Variants in ANKS1B observed in about 807,000 individuals in gnomAD.
The protein encoded by ANKS1B is ankyrin repeat and sterile alpha motif domain-containing protein 1B.
A neutral mutation model predicts 148.3 loss-of-function variants in ANKS1B; 36 were observed. That is an observed-to-expected ratio of 0.24 (90% CI 0.19 to 0.32). ANKS1B has a LOEUF of 0.32. Among genes scored for constraint, ANKS1B ranks in the 10% least tolerant of loss-of-function variants. The pLI, the probability that ANKS1B is intolerant of heterozygous loss-of-function variation, is 1.00. For missense variants in ANKS1B, 1,157 were observed against 1,542.6 expected (o/e 0.75, Z 4.19); for synonymous variants, 542 against 560.8 (o/e 0.97, Z 0.47).
chr12:98,950,513 A>G lies in ANKS1B; in HGVS notation c.2778+102644T>C, dbSNP rs546316211. Among the ~76,000 whole-genome samples, 22 of 152,286 alleles carry G rather than the reference A, an allele frequency of 1.4e-4. No homozygotes were observed. The East Asian group carries it at 4.2e-3, about 29-fold the overall frequency. ...CTCTGTCTCAAAGAAAAGAAAGAAG[A>G]AAAGAAACAGCAGAGTGTCCCATCT... On this transcript the variant is annotated intron_variant, in intron 17 of 26. Transcript: ENST00000683438.
intron 11 of ANKS1B, among the ~76,000 whole-genome samples, chr12:99,427,296 GT>G (rs1451159357): frequency 6.6e-6 from 1 of 152,118 alleles, no homozygotes; most frequent in East Asian, 1.9e-4. Flanking sequence ...GTCTTCTCTG[GT>G]TTCATCTCAC....
chr12:99,788,913 T>C (rs1178082474), intron 4 of ANKS1B, among the ~76,000 whole-genome samples: 1 of 152,130 alleles, frequency 6.6e-6, no homozygotes. Context: ...AGAAGGACTT[T>C]GTAATGAAGT....
In ANKS1B at chr12:99,655,049, A is replaced by G; in HGVS notation, c.1272+18T>C. 1.9e-6 allele frequency: 3 copies of G among 1,544,678 alleles called. No individual in the cohort carries two copies. The stretch of plus-strand genomic sequence containing the variant: ...ACCATTTTTGTTTTATTGTACCTTA[A>G]TAAAAGCAAACTTTTACCTGGGCAA... On this transcript the variant is annotated intron_variant, in intron 9 of 26. Coordinates refer to ENST00000683438, the MANE Select transcript of ANKS1B (RefSeq NM_001352186.2).
intron 3 of ANKS1B, among the ~76,000 whole-genome samples, chr12:99,810,305 T>C (rs568924516): frequency 9.9e-5 from 15 of 152,170 alleles, no homozygotes; most frequent in Admixed American, 3.9e-4. Flanking sequence ...CTTTACCTTA[T>C]GTCTCAATAA....
At chr12:99,599,521 G>A (rs930821830) in intron 9 of ANKS1B, among the ~76,000 whole-genome samples, 4 of 152,078 alleles carry the variant, frequency 2.6e-5, no homozygotes, top group African/African-American at 9.7e-5. Flanking sequence ...TCACTACAGA[G>A]TTAATAGTGA....
chr12:99,778,476 C>T (rs2063913133), intron 6 of ANKS1B, among the ~76,000 whole-genome samples: 1 of 148,856 alleles, frequency 6.7e-6, no homozygotes, highest in East Asian at 2.0e-4. Context: ...CCACTGCACT[C>T]CAGCCTAGGC....
At chr12:99,211,929 C>T in intron 14 of ANKS1B, among the ~76,000 whole-genome samples, 1 of 152,204 alleles carries the variant, frequency 6.6e-6, no homozygotes, top group East Asian at 1.9e-4. Context: ...ATATTCACCC[C>T]AGCGCACATC....
At chr12:99,784,241 A>G (rs780523202) in intron 4 of ANKS1B, among the ~76,000 whole-genome samples, 1 of 141,980 alleles carries the variant, frequency 7.0e-6, no homozygotes, top group Non-Finnish European at 1.5e-5. Flanking sequence ...GCACGATCTC[A>G]GCTCACTGCA....
chr12:99,203,810 T>C lies in ANKS1B; in HGVS notation c.2419+40532A>G, dbSNP rs528113563. ...TGTTTATCTCTTTCACGGAACTTAT[T>C]ATATTGTAGTAAAATGTCTGGGCAT... is the stretch of plus-strand genomic sequence containing the variant. On this transcript the variant is annotated intron_variant, in intron 14 of 26. Transcript: ENST00000683438. Among the ~76,000 whole-genome samples the C allele has an allele frequency of 1.1e-4, 17 of 152,320 alleles. No individual in the cohort carries two copies. The South Asian group carries it at 3.3e-3, about 30-fold the overall frequency.
intron 14 of ANKS1B, among the ~76,000 whole-genome samples, chr12:99,189,817 C>G (rs1352262887): frequency 6.6e-6 from 1 of 152,138 alleles, no homozygotes. Context: ...TCCTATTCAA[C>G]ATAGTATTGG....
chr12:99,456,764 T>G (rs1180421778), intron 10 of ANKS1B, among the ~76,000 whole-genome samples: 1 of 152,000 alleles, frequency 6.6e-6, no homozygotes, highest in African/African-American at 2.4e-5. Context: ...CCAAGAAAAT[T>G]TGGGATTATA....
intron 9 of ANKS1B, among the ~76,000 whole-genome samples, chr12:99,512,370 G>T (rs532386725): frequency 4.1e-4 from 62 of 151,994 alleles, no homozygotes; most frequent in Non-Finnish European, 8.5e-4. Flanking sequence ...CATGCAGTCA[G>T]AATGATGATT....
chr12:99,142,201 G>A (rs1024233154), intron 15 of ANKS1B, among the ~76,000 whole-genome samples: 8 of 150,650 alleles, frequency 5.3e-5, no homozygotes, highest in African/African-American at 2.0e-4. Context: ...TAGAAGTCAA[G>A]GACAAAAAGA....
chr12:99,026,305 A>G (rs2099948721), intron 17 of ANKS1B, among the ~76,000 whole-genome samples: 1 of 152,160 alleles, frequency 6.6e-6, no homozygotes, highest in Non-Finnish European at 1.5e-5. Context: ...TGAGAAGACA[A>G]CTTACCCAGT....
intron 23 of ANKS1B, 32 bp downstream of exon 23, chr12:98,782,093 TA>T: frequency 6.3e-7 from 1 of 1,577,948 alleles, no homozygotes; most frequent in South Asian, 1.2e-5. Context: ...TATATACTAG[TA>T]ATAATCACAC....
intron 22 of ANKS1B, among the ~76,000 whole-genome samples, chr12:98,786,760 G>A (rs1231130705): frequency 6.6e-6 from 1 of 152,108 alleles, no homozygotes; most frequent in Non-Finnish European, 1.5e-5. Flanking sequence ...TTAATGTTCC[G>A]AGTAAGAATC....
intron 12 of ANKS1B, among the ~76,000 whole-genome samples, chr12:99,322,851 TAGTG>T (rs975794885): frequency 3.9e-5 from 6 of 152,204 alleles, no homozygotes; most frequent in African/African-American, 1.4e-4. Context: ...GTTCTCACGG[TAGTG>T]AGTAAGTCTC....
chr12:99,626,858 G>A (rs954024412), intron 9 of ANKS1B, among the ~76,000 whole-genome samples: 9 of 152,134 alleles, frequency 5.9e-5, no homozygotes, highest in Non-Finnish European at 5.9e-5. Context: ...ATTATGATCC[G>A]AAGGCACATA....
intron 25 of ANKS1B, among the ~76,000 whole-genome samples, chr12:98,765,173 G>A (rs753101479): frequency 3.0e-4 from 46 of 152,198 alleles, no homozygotes; most frequent in Non-Finnish European, 4.7e-4. Flanking sequence ...CTGGAAATGC[G>A]TATGTGTCAC....
Sources: allele counts gnomAD v4.1 joint callset (sites outside exome capture counted in the v4.1 genomes callset), GRCh38; gene constraint gnomAD v4.1.1; transcripts MANE v1.5; gene names NCBI Gene and HGNC (gene_info 2026-07-23, HGNC 2026-07-21).